The following PCDHA13 variants were observed in gnomAD, a reference collection of about 807,000 sequenced individuals.
The protein encoded by PCDHA13 is protocadherin alpha 13.
In PCDHA13, 54 loss-of-function variants were observed where a neutral mutation model predicts 64.8. The observed-to-expected ratio is 0.83, with a 90% CI of 0.67 to 1.04. PCDHA13 has a LOEUF of 1.04. Among genes scored for constraint, PCDHA13 ranks in the 50% least tolerant of loss-of-function variants. The pLI, the probability that PCDHA13 is intolerant of heterozygous loss-of-function variation, is 0.00. For missense variants in PCDHA13, 1,248 were observed against 1,254.3 expected, an observed-to-expected ratio of 0.99 and a Z score of 0.08; for synonymous variants, 587 against 564.4, an observed-to-expected ratio of 1.04 and a Z score of -0.57.
chr5:140,931,907 G>A (rs573618162), intron 1 of PCDHA13, among the ~76,000 whole-genome samples: 107 of 151,900 alleles, frequency 7.0e-4, no homozygotes, highest in Middle Eastern at 3.5e-3. Context: ...CATTTGAAAA[G>A]CATGACATTT....
chr5:140,984,682 A>G (rs2097114582), intron 3 of PCDHA13, among the ~76,000 whole-genome samples: 2 of 152,136 alleles, frequency 1.3e-5, no homozygotes, highest in Non-Finnish European at 2.9e-5. Context: ...AGGACTCAAT[A>G]TATGTTCTGC....
chr5:141,008,439 G>A (rs2098377388), intron 3 of PCDHA13, among the ~76,000 whole-genome samples: 1 of 152,128 alleles, frequency 6.6e-6, no homozygotes, highest in African/African-American at 2.4e-5. Context: ...TGCCCAGACA[G>A]ACCATTACCC....
At chr5:140,950,548 G>T (rs1363394631) in intron 1 of PCDHA13, among the ~76,000 whole-genome samples, 2 of 151,990 alleles carry the variant, frequency 1.3e-5, no homozygotes, top group African/African-American at 4.8e-5. Context: ...TTGCATGGCT[G>T]GGGGGACACT....
chr5:141,006,789 CT>C (rs2098288759), intron 3 of PCDHA13, among the ~76,000 whole-genome samples: 2 of 152,026 alleles, frequency 1.3e-5, no homozygotes, highest in Admixed American at 6.5e-5. Flanking sequence ...GAATAATTAG[CT>C]TTGAACTTTC....
intron 1 of PCDHA13, among the ~76,000 whole-genome samples, chr5:140,889,903 A>G (rs2062424264): frequency 6.6e-6 from 1 of 152,126 alleles, no homozygotes; most frequent in African/African-American, 2.4e-5. Flanking sequence ...CTACCTTGAG[A>G]TTGTCATACT....
chr5:140,996,944 ATATT>A (rs2097754010), intron 3 of PCDHA13, among the ~76,000 whole-genome samples: 1 of 152,144 alleles, frequency 6.6e-6, no homozygotes, highest in Non-Finnish European at 1.5e-5. Flanking sequence ...TTGCATAGAA[ATATT>A]TATTTCCCTC....
intron 1 of PCDHA13, chr5:140,926,540 T>G: frequency 4.6e-6 from 1 of 215,362 alleles, no homozygotes; most frequent in Non-Finnish European, 9.1e-6. Context: ...GCCAGCGTGG[T>G]GGTCGAGACC....
intron 1 of PCDHA13, among the ~76,000 whole-genome samples, chr5:140,950,613 A>G (rs980395914): frequency 3.3e-5 from 5 of 152,064 alleles, no homozygotes; most frequent in African/African-American, 1.2e-4. Context: ...TGATGTGCTT[A>G]TTTATGCTTT....
chr5:140,979,241 G>A (rs766062040), intron 2 of PCDHA13, among the ~76,000 whole-genome samples: 4 of 152,150 alleles, frequency 2.6e-5, no homozygotes, highest in Non-Finnish European at 5.9e-5. Context: ...CACAGAAACA[G>A]GCTGCTATGT....
rs529079699 is a variant in PCDHA13, at chr5:140,984,687, T to C, written c.2542+2124T>C. ...TTAGGTTTTTAGGACTCAATATATGTTCTGCACTGCTTGGAGGGAATATGG... is the reference window on the plus strand; with the variant it reads ...TTAGGTTTTTAGGACTCAATATATGCTCTGCACTGCTTGGAGGGAATATGG... On this transcript the variant is annotated intron_variant, in intron 3 of 3. Transcript: ENST00000289272. Among the ~76,000 whole-genome samples the C allele has an allele frequency of 2.0e-5, 3 of 152,332 alleles. No individual in the cohort carries two copies. The East Asian group carries it at 5.8e-4, about 29-fold the overall frequency.
intron 3 of PCDHA13, among the ~76,000 whole-genome samples, chr5:140,992,981 A>T (rs532135754): frequency 5.3e-5 from 8 of 152,232 alleles, no homozygotes; most frequent in Admixed American, 1.3e-4. Flanking sequence ...TGATTAGGCC[A>T]TGGGACCCAT....
intron 1 of PCDHA13, among the ~76,000 whole-genome samples, chr5:140,961,529 T>C (rs1208334511): frequency 2.6e-5 from 4 of 152,244 alleles, no homozygotes; most frequent in Admixed American, 1.3e-4. Flanking sequence ...AAATTCTAGA[T>C]AGACTGTTCC....
At chr5:140,995,235 A>G (rs1313042272) in intron 3 of PCDHA13, among the ~76,000 whole-genome samples, 1 of 152,188 alleles carries the variant, frequency 6.6e-6, no homozygotes, top group Non-Finnish European at 1.5e-5. Flanking sequence ...TGGGGCCAGT[A>G]TTAAGTAAAA....
rs1203873823 is a variant in PCDHA13 at position 140,884,452 on chromosome 5, C to G, written c.2184C>G (p.Thr728=). 1 of 1,613,664 alleles carries G rather than the reference C, an allele frequency of 6.2e-7. No homozygotes were observed. Among genetic ancestry groups the G allele is most frequent in the African/African-American group, 1.3e-5 (1 of 74,930 alleles). Residue 728 remains threonine, a synonymous_variant, in exon 1 of 4, where the codon ACC becomes ACG. Transcript: ENST00000289272. ...YTALRCSAPP[T]EGACAPGKPT... ...CGCTGCGGTGCTCGGCACCGCCCAC[C>G]GAGGGCGCGTGCGCGCCGGGCAAGC...
intron 1 of PCDHA13, among the ~76,000 whole-genome samples, chr5:140,959,348 G>A (rs991931151): frequency 7.2e-5 from 11 of 151,992 alleles, no homozygotes; most frequent in Middle Eastern, 6.3e-3. Flanking sequence ...GCACTCCAGC[G>A]GGACAACTGA....
intron 1 of PCDHA13, among the ~76,000 whole-genome samples, chr5:140,972,693 C>A (rs1358194667): frequency 2.3e-5 from 3 of 130,312 alleles, no homozygotes; most frequent in East Asian, 4.7e-4. Flanking sequence ...GAGATGGAGT[C>A]TCACTCTGTT....
At position 140,882,350 on chromosome 5, in the gene PCDHA13, A is replaced by G. The variant is rs782733540; in HGVS notation, c.82A>G (p.Ser28Gly). Reference protein sequence around the residue: ...LLILAAWETGSGQLHYSVPEE... With the variant: ...LLILAAWETGGGQLHYSVPEE... ...GATCCTCGCAGCCTGGGAGACGGGT[A>G]GTGGCCAGCTCCACTACTCCGTCCC... is the stretch of plus-strand genomic sequence containing the variant. Residue 28 changes from serine (S) to glycine (G), a missense_variant, in exon 1 of 4, where the codon AGT becomes GGT. Ser to Gly is a moderately conservative substitution (Grantham distance 56). Transcript: ENST00000289272. The G allele has an allele frequency of 1.9e-6, 3 of 1,614,176 alleles. No individual in the cohort carries two copies. In the Admixed American group the frequency reaches 5.0e-5, roughly 27 times the overall value.
intron 1 of PCDHA13, chr5:140,927,588 A>G (rs914756357): frequency 1.9e-6 from 3 of 1,614,210 alleles, no homozygotes; most frequent in East Asian, 2.2e-5. Context: ...ACGCGCCTGT[A>G]TTTGAGCGCT....
Position 140,882,929 on chromosome 5 carries a change from G to A in PCDHA13, c.661G>A (p.Glu221Lys). ...LLTASDGGKPELTGTVQLLIT... is the reference protein window; with the variant it reads ...LLTASDGGKPKLTGTVQLLIT... ...GACAGCCAGTGATGGAGGTAAACCCGAGCTGACTGGCACAGTTCAGCTGCT... is the reference window on the plus strand; with the variant it reads ...GACAGCCAGTGATGGAGGTAAACCCAAGCTGACTGGCACAGTTCAGCTGCT... The change falls in exon 1 of 4, where the codon GAG (glutamate) becomes AAG (lysine). Residue 221 changes from glutamate (E) to lysine (K), a missense_variant. Glu to Lys is a moderately conservative substitution (Grantham distance 56). Transcript: ENST00000289272. 1 of 1,614,160 alleles carries A rather than the reference G, an allele frequency of 6.2e-7. No individual in the cohort carries two copies. The highest frequency in any genetic ancestry group is 8.5e-7 in the Non-Finnish European group (1 of 1,180,040).
Sources: gnomAD v4.1 joint callset for allele counts (sites outside exome capture counted in the v4.1 genomes callset) on GRCh38, gnomAD v4.1.1 for gene constraint, MANE v1.5 for transcripts, NCBI Gene and HGNC (gene_info 2026-07-23, HGNC 2026-07-21) for gene names.